The following RBFOX1 variants were observed in gnomAD, a reference collection of about 807,000 sequenced individuals.
RBFOX1 encodes RNA binding protein fox-1 homolog 1.
Under a neutral mutation model 57.7 loss-of-function variants are expected in RBFOX1, and 8 were observed. That is an observed-to-expected ratio of 0.14 (90% CI 0.08 to 0.25). RBFOX1 has a LOEUF of 0.25. Among genes scored for constraint, RBFOX1 ranks in the 10% least tolerant of loss-of-function variants. The probability of loss-of-function intolerance (pLI) is 1.00; values close to 1 mark genes in which losing one functional copy is unlikely to be tolerated. For missense variants in RBFOX1, 611 were observed against 548.5 expected (o/e 1.11, Z -1.14); for synonymous variants, 326 against 222.4 (o/e 1.47, Z -4.15).
At chr16:6,406,592 TC>T (rs1300358779) in intron 2 of RBFOX1, among the ~76,000 whole-genome samples, 12 of 149,826 alleles carry the variant, frequency 8.0e-5, no homozygotes, top group African/African-American at 2.0e-4. Context: ...TTTTTTTTTT[TC>T]ATTTTAAGCA....
intron 2 of RBFOX1, among the ~76,000 whole-genome samples, chr16:6,554,793 GAC>G (rs1458114682): frequency 4.0e-5 from 6 of 148,214 alleles, no homozygotes; most frequent in Middle Eastern, 3.5e-3. Context: ...CACACACACA[GAC>G]ACACACAGAT....
chr16:7,314,819 C>G (rs1234586246), intron 4 of RBFOX1, among the ~76,000 whole-genome samples: 3 of 152,264 alleles, frequency 2.0e-5, no homozygotes, highest in East Asian at 1.9e-4. Flanking sequence ...GATCTTTAAA[C>G]AAAGGGGTTT....
intron 4 of RBFOX1, among the ~76,000 whole-genome samples, chr16:7,082,725 A>G (rs1319792622): frequency 6.6e-6 from 1 of 152,216 alleles, no homozygotes; most frequent in Non-Finnish European, 1.5e-5. Context: ...TGATTGCTGT[A>G]TATAATTAAT....
At chr16:6,804,911 C>A in intron 3 of RBFOX1, among the ~76,000 whole-genome samples, 1 of 152,226 alleles carries the variant, frequency 6.6e-6, no homozygotes, top group Non-Finnish European at 1.5e-5. Flanking sequence ...AAACAAAAAG[C>A]GAGATTCAAA....
intron 1 of RBFOX1, among the ~76,000 whole-genome samples, chr16:6,240,936 T>C (rs911503572): frequency 2.6e-5 from 4 of 152,182 alleles, no homozygotes; most frequent in East Asian, 1.9e-4. Flanking sequence ...ACATCACACA[T>C]TGTGTTTCTA....
chr16:7,304,384 A>C (rs1320036725), intron 4 of RBFOX1: 1 of 985,236 alleles, frequency 1.0e-6, no homozygotes, highest in Non-Finnish European at 1.2e-6. Context: ...CCAGAGAGAC[A>C]TGATGCAGCA....
At chr16:7,156,412 T>C (rs1383152674) in intron 4 of RBFOX1, among the ~76,000 whole-genome samples, 1 of 152,054 alleles carries the variant, frequency 6.6e-6, no homozygotes, top group African/African-American at 2.4e-5. Context: ...CATATATGTG[T>C]GCGTATAGTT....
intron 1 of RBFOX1, among the ~76,000 whole-genome samples, chr16:6,316,361 G>T (rs1225673073): frequency 6.6e-6 from 1 of 152,148 alleles, no homozygotes; most frequent in African/African-American, 2.4e-5. Context: ...CCCTGTGATT[G>T]GGTGATGATA....
At position 7,693,251 on chromosome 16, in the gene RBFOX1, C is replaced by G. The variant is rs531551524; in HGVS notation, c.996-15805C>G. On this transcript the variant is annotated intron_variant, in intron 14 of 15. Transcript: ENST00000550418. Reference sequence around the variant, plus strand: ...CTCCCCTCATCTGTACACATCGAAGCAATTGGCAGAGAGCACATTTCCCCC... The same window carrying G: ...CTCCCCTCATCTGTACACATCGAAGGAATTGGCAGAGAGCACATTTCCCCC... 123 of 1,420,142 alleles carry G rather than the reference C, an allele frequency of 8.7e-5. No individual in the cohort carries two copies. The African/African-American group carries it at 1.6e-3, about 18-fold the overall frequency. 88.0% of individuals were successfully genotyped at this position (1,420,142 alleles called of 1,614,324 possible).
rs904196798 is a variant in RBFOX1 at position 6,509,856 on chromosome 16, A to G, written c.-63-144747A>G. On this transcript the variant is annotated intron_variant, in intron 2 of 15. Transcript: ENST00000550418. ...ACATGAAAAATATAAAATTTTCAAA[A>G]TAGAAAAAACTGTAGGAGAAGTCAG... Among the ~76,000 whole-genome samples the G allele has an allele frequency of 4.6e-5, 7 of 152,344 alleles. No homozygotes were observed. The East Asian group carries it at 5.8e-4, about 13-fold the overall frequency.
intron 1 of RBFOX1, among the ~76,000 whole-genome samples, chr16:6,282,626 A>T (rs2076511197): frequency 6.6e-6 from 1 of 151,970 alleles, no homozygotes; most frequent in Non-Finnish European, 1.5e-5. Flanking sequence ...TATGAGTGAG[A>T]ACATGTGGTG....
intron 3 of RBFOX1, among the ~76,000 whole-genome samples, chr16:6,798,251 G>C (rs1354814460): frequency 6.6e-6 from 1 of 152,140 alleles, no homozygotes; most frequent in Non-Finnish European, 1.5e-5. Context: ...CCAGAGAAGA[G>C]TTCCTGGATC....
intron 3 of RBFOX1, among the ~76,000 whole-genome samples, chr16:6,679,435 G>A (rs192084099): frequency 1.3e-5 from 2 of 152,188 alleles, no homozygotes; most frequent in African/African-American, 2.4e-5. Context: ...TCATTGCAGT[G>A]CCTCGTTTCT....
intron 4 of RBFOX1, among the ~76,000 whole-genome samples, chr16:5,912,727 A>G (rs1215531323): frequency 1.3e-5 from 2 of 152,190 alleles, no homozygotes; most frequent in Non-Finnish European, 2.9e-5. Context: ...ACATGTTATG[A>G]TTAGTTTTAT....
chr16:7,125,962 A>G (rs1350149903), intron 4 of RBFOX1, among the ~76,000 whole-genome samples: 1 of 152,170 alleles, frequency 6.6e-6, no homozygotes, highest in African/African-American at 2.4e-5. Flanking sequence ...ACACACCCGT[A>G]ATCCCAGCTG....
chr16:6,959,498 A>G (rs965857766), intron 3 of RBFOX1, among the ~76,000 whole-genome samples: 1 of 150,542 alleles, frequency 6.6e-6, no homozygotes, highest in African/African-American at 2.5e-5. Context: ...ATCTTTTTTT[A>G]TTTTTTATTT....
chr16:5,925,782 C>T (rs1306984452), intron 4 of RBFOX1, among the ~76,000 whole-genome samples: 1 of 152,156 alleles, frequency 6.6e-6, no homozygotes, highest in Non-Finnish European at 1.5e-5. Flanking sequence ...CTCTTCCACC[C>T]TCTTTCCTGA....
chr16:7,036,998 G>A (rs2044673115), intron 3 of RBFOX1, among the ~76,000 whole-genome samples: 1 of 152,082 alleles, frequency 6.6e-6, no homozygotes, highest in Non-Finnish European at 1.5e-5. Flanking sequence ...ACGTTGCCAT[G>A]GCATTTATAA....
In RBFOX1 at chr16:7,426,894, G is replaced by T. The variant is rs1444757187; in HGVS notation, c.28-91253G>T. 2.0e-5 allele frequency among the ~76,000 whole-genome samples: 3 copies of T among 152,172 alleles called. No homozygotes were observed. The East Asian group carries it at 5.8e-4, about 29-fold the overall frequency. The stretch of plus-strand genomic sequence containing the variant: ...TCCTGCACGGCTTGTTAAAACCTCT[G>T]AGTCTGTGGCAGATACACACCATGG... On this transcript the variant is annotated intron_variant, in intron 4 of 15. Transcript: ENST00000550418.
Sources: gnomAD v4.1 joint callset for allele counts (sites outside exome capture counted in the v4.1 genomes callset) on GRCh38, gnomAD v4.1.1 for gene constraint, MANE v1.5 for transcripts, NCBI Gene and HGNC (gene_info 2026-07-23, HGNC 2026-07-21) for gene names.